Variants in PDE4D observed in about 807,000 individuals in gnomAD.
The protein encoded by PDE4D is 3',5'-cyclic-AMP phosphodiesterase 4D.
Under a neutral mutation model 87.4 loss-of-function variants are expected in PDE4D, and 24 were observed. That is an observed-to-expected ratio of 0.27 (90% CI 0.20 to 0.39). The LOEUF is 0.39. Among genes scored for constraint, PDE4D ranks in the 10% least tolerant of loss-of-function variants. The pLI is 1.00. For missense variants in PDE4D, 714 were observed against 1,041.0 expected, an observed-to-expected ratio of 0.69 and a Z score of 4.32; for synonymous variants, 384 against 383.2, an observed-to-expected ratio of 1.00 and a Z score of -0.02.
chr5:60,301,350 A>G (rs1055054715), intron 1 of PDE4D, among the ~76,000 whole-genome samples: 17 of 152,158 alleles, frequency 1.1e-4, no homozygotes, highest in African/African-American at 4.1e-4. Flanking sequence ...CATGAGCATG[A>G]AATGTTGTTC....
chr5:59,695,882 T>A (rs1399979951), intron 1 of PDE4D, among the ~76,000 whole-genome samples: 1 of 152,214 alleles, frequency 6.6e-6, no homozygotes, highest in East Asian at 1.9e-4. Flanking sequence ...GTGCTGAGAT[T>A]ACAGGCATGA....
At chr5:59,584,127 A>T (rs1432593253) in intron 1 of PDE4D, among the ~76,000 whole-genome samples, 2 of 152,192 alleles carry the variant, frequency 1.3e-5, no homozygotes, top group African/African-American at 4.8e-5. Flanking sequence ...CGAGCCTGAA[A>T]TCTCACCCTA....
At chr5:60,177,608 T>C (rs1243515263) in intron 2 of PDE4D, among the ~76,000 whole-genome samples, 5 of 152,174 alleles carry the variant, frequency 3.3e-5, no homozygotes. Flanking sequence ...GTGGAAAGGA[T>C]AGTCATTTGT....
chr5:60,500,322 A>C (rs532279779), intron 1 of PDE4D, among the ~76,000 whole-genome samples: 11 of 152,230 alleles, frequency 7.2e-5, no homozygotes, highest in African/African-American at 2.6e-4. Context: ...AAAAATAAAA[A>C]AGAAGAAGAA....
intron 1 of PDE4D, among the ~76,000 whole-genome samples, chr5:59,846,983 C>T (rs73092846): frequency 0.092 from 14,059 of 152,004 alleles, 2,017 homozygotes; most frequent in African/African-American, 0.31. Flanking sequence ...TCTGCCTTAA[C>T]TCATCAGGAT....
intron 1 of PDE4D, among the ~76,000 whole-genome samples, chr5:60,257,949 A>T (rs1749269605): frequency 6.6e-6 from 1 of 151,984 alleles, no homozygotes; most frequent in Admixed American, 6.6e-5. Context: ...AAGCAACATA[A>T]ACCAAATGTG....
At chr5:59,445,183 T>C (rs1451695013) in intron 1 of PDE4D, among the ~76,000 whole-genome samples, 1 of 152,190 alleles carries the variant, frequency 6.6e-6, no homozygotes, top group Non-Finnish European at 1.5e-5. Flanking sequence ...TTGTTATGTA[T>C]CAAAAATTCT....
chr5:60,365,703 T>C (rs935612759), intron 1 of PDE4D, among the ~76,000 whole-genome samples: 2 of 152,150 alleles, frequency 1.3e-5, no homozygotes, highest in Admixed American at 6.5e-5. Context: ...ATTCCTCAGA[T>C]TAACCAAATC....
At chr5:59,404,240 A>G (rs1791204236) in intron 1 of PDE4D, among the ~76,000 whole-genome samples, 1 of 152,192 alleles carries the variant, frequency 6.6e-6, no homozygotes, top group African/African-American at 2.4e-5. Context: ...ATTTTCTCCC[A>G]TTCTGTGGGT....
chr5:59,923,152 G>A (rs1754856356), intron 3 of PDE4D, among the ~76,000 whole-genome samples: 1 of 152,160 alleles, frequency 6.6e-6, no homozygotes, highest in Admixed American at 6.5e-5. Flanking sequence ...GAACGGGGAG[G>A]TCTTTGTCTT....
At position 59,955,990 on chromosome 5, in the gene PDE4D, C is replaced by G. The variant is rs185940310; in HGVS notation, c.272+32498G>C. On this transcript the variant is annotated intron_variant, in intron 3 of 16. Coordinates refer to the PDE4D transcript ENST00000502484. ...TCCTCACTGACACAGTTATAGGATA[C>G]TCTTTCTGGAAGAAAGAATAAAAGC... Among the ~76,000 whole-genome samples, 847 of 152,268 alleles carry G rather than the reference C, an allele frequency of 5.6e-3. 15 individuals are homozygous for G. Among genetic ancestry groups the G allele is most frequent in the Admixed American group, 0.04 (608 of 15,292 alleles).
At chr5:59,537,273 A>G (rs2153682525) in intron 1 of PDE4D, among the ~76,000 whole-genome samples, 1 of 152,344 alleles carries the variant, frequency 6.6e-6, no homozygotes, top group Non-Finnish European at 1.5e-5. Flanking sequence ...ATGTATGAGC[A>G]GAAAGTTTGT....
At chr5:60,101,638 C>T (rs966596083) in intron 2 of PDE4D, among the ~76,000 whole-genome samples, 10 of 152,196 alleles carry the variant, frequency 6.6e-5, no homozygotes, top group African/African-American at 1.4e-4. Context: ...TATATGTATA[C>T]TCTGTTGCAG....
intron 6 of PDE4D, among the ~76,000 whole-genome samples, chr5:58,994,902 T>G (rs1373454819): frequency 7.2e-6 from 1 of 138,640 alleles, no homozygotes; most frequent in Admixed American, 7.1e-5. Flanking sequence ...TCCTAATGCT[T>G]TCCCTCCCCC....
intron 2 of PDE4D, among the ~76,000 whole-genome samples, chr5:60,140,189 G>A (rs915393042): frequency 4.6e-5 from 7 of 151,932 alleles, no homozygotes; most frequent in Non-Finnish European, 1.0e-4. Context: ...TTTAATCAAA[G>A]TGCATATTAT....
At position 59,483,725 on chromosome 5, in the gene PDE4D, C is replaced by T. The variant is rs149365971; in HGVS notation, c.456-267757G>A. Among the ~76,000 whole-genome samples the T allele has an allele frequency of 1.5e-3, 221 of 152,224 alleles. 1 individual carries two copies. Among genetic ancestry groups the T allele is most frequent in the African/African-American group, 5.2e-3 (216 of 41,530 alleles). On this transcript the variant is annotated intron_variant, in intron 1 of 14. Transcript: ENST00000340635. ...AAAATGACCACATACAAAGACAGCA[C>T]AACCTGCTAAGGCTGCAACCTGCTA... is the stretch of plus-strand genomic sequence containing the variant.
At chr5:59,460,689 A>G (rs143232665) in intron 1 of PDE4D, among the ~76,000 whole-genome samples, 20 of 152,278 alleles carry the variant, frequency 1.3e-4, no homozygotes, top group African/African-American at 4.3e-4. Context: ...GCAGCTTTCC[A>G]TGCTTCCTTA....
At chr5:59,585,232 C>A (rs1436481056) in intron 1 of PDE4D, among the ~76,000 whole-genome samples, 1 of 152,146 alleles carries the variant, frequency 6.6e-6, no homozygotes, top group East Asian at 1.9e-4. Flanking sequence ...GCCTCCCATC[C>A]TTCTCTGCAA....
intron 10 of PDE4D, 150 bp from the exon 11 acceptor site, chr5:58,988,742 T>C (rs971909819): frequency 2.5e-6 from 1 of 400,938 alleles, no homozygotes; most frequent in Admixed American, 4.4e-5. Flanking sequence ...TCTTAGATAC[T>C]TGTGAACTTT....
Sources: allele counts gnomAD v4.1 joint callset (sites outside exome capture counted in the v4.1 genomes callset), GRCh38; gene constraint gnomAD v4.1.1; transcripts MANE v1.5; gene names NCBI Gene and HGNC (gene_info 2026-07-23, HGNC 2026-07-21).